Variants in ZNF469 observed in about 807,000 individuals in gnomAD.
The protein encoded by ZNF469 is zinc finger protein 469.
A neutral mutation model predicts 1.0 loss-of-function variants in ZNF469; 1 was observed. The observed-to-expected ratio is 1.00, with a 90% CI of 0.35 to 4.73. The LOEUF (loss-of-function observed/expected upper bound fraction) is 4.73, where lower values mean the gene tolerates loss of function less well. Among genes scored for constraint, ZNF469 ranks in the 30% most tolerant of loss-of-function variants. The probability of loss-of-function intolerance (pLI) is 0.16; values close to 1 mark genes in which losing one functional copy is unlikely to be tolerated. For synonymous variants in ZNF469, 2,703 were observed against 2,363.4 expected, an observed-to-expected ratio of 1.14 and a Z score of -4.17; for missense variants, 6,100 against 5,356.3, an observed-to-expected ratio of 1.14 and a Z score of -4.33.
chr16:88,379,219 C>T (rs1026440583), upstream of ZNF469, among the ~76,000 whole-genome samples: 1 of 152,176 alleles, frequency 6.6e-6, no homozygotes, highest in Non-Finnish European at 1.5e-5. Context: ...AGGCCTGGAG[C>T]TCTGGGCAGC....
the ZNF469 span, among the ~76,000 whole-genome samples, chr16:88,223,919 G>C: frequency 6.6e-6 from 1 of 152,234 alleles, no homozygotes; most frequent in Non-Finnish European, 1.5e-5. Context: ...TCCCGCCCTG[G>C]GGGCCCCCAT....
At chr16:88,366,924 C>A in the ZNF469 span, among the ~76,000 whole-genome samples, 1 of 152,066 alleles carries the variant, frequency 6.6e-6, no homozygotes, top group Admixed American at 6.5e-5. Flanking sequence ...ATCATCAAGA[C>A]CATCATCATT....
At chr16:88,180,631 G>A in the ZNF469 span, among the ~76,000 whole-genome samples, 103,924 of 151,912 alleles carry the variant, frequency 0.68, 36,978 homozygotes, top group Non-Finnish European at 0.8. Flanking sequence ...AAAATTAGCC[G>A]GGCGTGGTAG....
At chr16:88,378,133 AG>A (rs1173865903), upstream of ZNF469, among the ~76,000 whole-genome samples, 28 of 152,070 alleles carry the variant, frequency 1.8e-4, no homozygotes, top group African/African-American at 6.8e-4. Flanking sequence ...CGTAGCCTCT[AG>A]GGGCCAGCTC....
intron 1 of ZNF469, among the ~76,000 whole-genome samples, chr16:88,398,948 A>AC (rs936321717): frequency 7.2e-5 from 11 of 151,824 alleles, no homozygotes; most frequent in African/African-American, 2.7e-4. Flanking sequence ...GCAAACCACC[A>AC]CCCCCCCAGG....
chr16:88,149,111 A>C, the ZNF469 span, among the ~76,000 whole-genome samples: 1 of 149,400 alleles, frequency 6.7e-6, no homozygotes, highest in East Asian at 2.1e-4. Context: ...CATTGTTCAG[A>C]GTCAGAAGCT....
At chr16:88,395,059 C>T (rs932074058) in intron 1 of ZNF469, among the ~76,000 whole-genome samples, 7 of 152,218 alleles carry the variant, frequency 4.6e-5, no homozygotes, top group Admixed American at 1.3e-4. Flanking sequence ...ACGTGCCCCC[C>T]GCCGCAAGGA....
the ZNF469 span, among the ~76,000 whole-genome samples, chr16:88,263,484 CG>C: frequency 2.0e-5 from 3 of 152,136 alleles, no homozygotes; most frequent in Non-Finnish European, 4.4e-5. Context: ...CCAACGTGTG[CG>C]GGGCCCCAAG....
the ZNF469 span, among the ~76,000 whole-genome samples, chr16:88,360,178 G>A: frequency 1.3e-5 from 2 of 149,992 alleles, no homozygotes; most frequent in African/African-American, 4.9e-5. Flanking sequence ...ACACCATCAC[G>A]CCCAACTAAT....
the ZNF469 span, among the ~76,000 whole-genome samples, chr16:88,215,383 A>ATTTTTT: frequency 5.1e-3 from 483 of 94,108 alleles, 21 homozygotes; most frequent in African/African-American, 9.9e-3. Flanking sequence ...TTGCCTTTTA[A>ATTTTTT]TTTTTTTTTT....
At chr16:88,289,661 C>G in the ZNF469 span, among the ~76,000 whole-genome samples, 3 of 152,240 alleles carry the variant, frequency 2.0e-5, no homozygotes, top group Non-Finnish European at 2.9e-5. Context: ...AGTGGTGGAG[C>G]TGGGATCGTT....
chr16:88,383,708 C>G (rs2092531067), intron 1 of ZNF469, among the ~76,000 whole-genome samples: 1 of 151,518 alleles, frequency 6.6e-6, no homozygotes, highest in African/African-American at 2.4e-5. Context: ...CCGCCTCCTC[C>G]GGGCCGCCCG....
Position 88,434,920 on chromosome 16 carries a change from G to C in ZNF469, c.7450G>C (p.Gly2484Arg), listed in dbSNP as rs561743358. The C allele has an allele frequency of 1.9e-6, 3 of 1,550,232 alleles. No homozygotes were observed. The highest frequency in any genetic ancestry group is 1.2e-5 in the South Asian group (1 of 84,068). Residue 2484 changes from glycine (G) to arginine (R), a missense_variant, in exon 3 of 3, where the codon GGG (glycine) becomes CGG (arginine). Coordinates refer to ENST00000565624, the MANE Select transcript of ZNF469 (RefSeq NM_001367624.2). ...GGTCTGCGCAGCCTCCTTCCGCTCC[G>C]GGCCGGGCCTGAGCCGGCACAAGGC... ...CEVCAASFRS[G>R]PGLSRHKARK...
chr16:88,428,256 C>T lies in ZNF469; in HGVS notation c.786C>T (p.Ser262=). 6.5e-7 allele frequency: 1 copy of T among 1,550,382 alleles called. No individual in the cohort carries two copies. The highest frequency in any genetic ancestry group is 8.7e-7 in the Non-Finnish European group (1 of 1,146,942). ...PAEPEPIPKG[S]RPGGSPRGVS... ...AGCCGGAACCTATTCCCAAAGGCAG[C>T]AGGCCCGGCGGCAGCCCCAGGGGAG... Residue 262 remains serine (S), a synonymous_variant, in exon 3 of 3, where the codon AGC becomes AGT. Transcript: ENST00000565624.
the ZNF469 span, among the ~76,000 whole-genome samples, chr16:88,333,864 G>T: frequency 1.1e-5 from 1 of 90,360 alleles, no homozygotes; most frequent in African/African-American, 3.1e-5. Flanking sequence ...GGCAGTTGCA[G>T]TGTGTGTGTG....
At chr16:88,193,985 G>A in the ZNF469 span, among the ~76,000 whole-genome samples, 1 of 152,186 alleles carries the variant, frequency 6.6e-6, no homozygotes, top group South Asian at 2.1e-4. Flanking sequence ...ATCACTTTGA[G>A]GTTAAGGATT....
intron 1 of ZNF469, among the ~76,000 whole-genome samples, chr16:88,404,154 GCAGCGAGAGACATGTCA>G (rs1904962895): frequency 6.7e-6 from 1 of 149,192 alleles, no homozygotes; most frequent in South Asian, 2.1e-4. Context: ...ATATACAAGA[GCAGCGAGAGACATGTCA>G]CAGCCCCACA....
chr16:88,351,167 T>C, the ZNF469 span, among the ~76,000 whole-genome samples: 3 of 152,204 alleles, frequency 2.0e-5, no homozygotes, highest in Admixed American at 2.0e-4. Context: ...CAGTGTGGCC[T>C]GTCCCTGACC....
chr16:88,364,871 A>G, the ZNF469 span, among the ~76,000 whole-genome samples: 2 of 152,186 alleles, frequency 1.3e-5, no homozygotes, highest in African/African-American at 2.4e-5. Context: ...AGGCTGAGAC[A>G]GGAGAATCCG....
Sources: gnomAD v4.1 joint callset for allele counts (sites outside exome capture counted in the v4.1 genomes callset) on GRCh38, gnomAD v4.1.1 for gene constraint, MANE v1.5 for transcripts, NCBI Gene and HGNC (gene_info 2026-07-23, HGNC 2026-07-21) for gene names.